Variants in RBM6 observed in about 807,000 individuals in gnomAD.
RBM6 encodes the protein RNA-binding protein 6.
Under a neutral mutation model 140.4 loss-of-function variants are expected in RBM6, and 23 were observed. The ratio of observed to expected loss-of-function variants is 0.16; its 90% CI spans 0.12 to 0.23. The LOEUF is 0.23. RBM6 is among the 10% of genes least tolerant of loss of function. The pLI is 1.00. For missense variants in RBM6, 1,139 were observed against 1,386.7 expected (o/e 0.82, Z 2.84); for synonymous variants, 439 against 475.6 (o/e 0.92, Z 1.00).
intron 5 of RBM6, among the ~76,000 whole-genome samples, chr3:49,983,233 A>T (rs1279565452): frequency 1.3e-5 from 2 of 152,360 alleles, no homozygotes; most frequent in Middle Eastern, 3.4e-3. Context: ...GTGTCAATAT[A>T]ACAGAAGTAA....
chr3:49,984,672 C>T (rs564480961), intron 5 of RBM6, among the ~76,000 whole-genome samples: 21 of 151,620 alleles, frequency 1.4e-4, no homozygotes, highest in African/African-American at 5.1e-4. Context: ...CATTGCATCA[C>T]ATCACATCAC....
At chr3:50,031,873 A>T (rs778523625) in intron 6 of RBM6, among the ~76,000 whole-genome samples, 2 of 152,208 alleles carry the variant, frequency 1.3e-5, no homozygotes, top group East Asian at 3.8e-4. Flanking sequence ...AGATAAATGC[A>T]TGAGGGGATG....
chr3:50,074,761 G>T (rs906122362), intron 19 of RBM6, among the ~76,000 whole-genome samples: 11 of 152,278 alleles, frequency 7.2e-5, no homozygotes, highest in African/African-American at 2.2e-4. Context: ...CAGGCACTCA[G>T]AGGTACTGTT....
intron 5 of RBM6, among the ~76,000 whole-genome samples, chr3:49,982,237 G>A (rs1170929033): frequency 1.5e-5 from 2 of 132,482 alleles, no homozygotes; most frequent in Non-Finnish European, 3.2e-5. Context: ...CAAAGGCCCT[G>A]TACCTTCTGC....
chr3:50,058,648 C>T, intron 10 of RBM6, 86 bp downstream of exon 10: 2 of 1,399,574 alleles, frequency 1.4e-6, no homozygotes, highest in Non-Finnish European at 2.0e-6. Flanking sequence ...GGCCTGGTGG[C>T]TTACGCCTGT....
At chr3:49,956,974 A>G (rs1575541965) in intron 1 of RBM6, among the ~76,000 whole-genome samples, 2 of 151,774 alleles carry the variant, frequency 1.3e-5, no homozygotes, top group East Asian at 3.9e-4. Flanking sequence ...CTGCTTTTTT[A>G]ATTTTTTATT....
At chr3:49,978,904 A>G (rs1385588776) in intron 5 of RBM6, among the ~76,000 whole-genome samples, 1 of 152,198 alleles carries the variant, frequency 6.6e-6, no homozygotes. Flanking sequence ...ATCTTGAATT[A>G]TATGATTATT....
intron 8 of RBM6, among the ~76,000 whole-genome samples, chr3:50,054,822 C>A (rs949272506): frequency 6.6e-6 from 1 of 151,562 alleles, no homozygotes; most frequent in African/African-American, 2.4e-5. Context: ...GCCTGCAAAC[C>A]TTTATTTATT....
At chr3:50,038,003 G>A (rs928241011) in intron 6 of RBM6, among the ~76,000 whole-genome samples, 4 of 151,884 alleles carry the variant, frequency 2.6e-5, no homozygotes, top group African/African-American at 9.7e-5. Flanking sequence ...TGTATTTTTA[G>A]TAGAGATGGG....
chr3:49,967,510 G>A lies in RBM6; in HGVS notation c.85G>A (p.Asp29Asn). The A allele has an allele frequency of 6.2e-7, 1 of 1,614,094 alleles. No individual in the cohort carries two copies. Among genetic ancestry groups the A allele is most frequent in the Non-Finnish European group, 8.5e-7 (1 of 1,180,014 alleles). ...AAGGTTTGCTCCCGGGTGGAACAGG[G>A]ATTATCCTCCTCCTCCCCTTAAGAG... ...EERFAPGWNR[D>N]YPPPPLKSHA... The change falls in exon 3 of 21, where the codon GAT becomes AAT. Residue 29 changes from aspartate (D) to asparagine (N), a missense_variant. Asp to Asn is a conservative substitution (Grantham distance 23, BLOSUM62 1). Transcript: ENST00000266022. The surrounding 1 kb of genome is among the most constrained non-coding windows in gnomAD (Gnocchi z 4.0).
rs563044007 is a variant in RBM6 at position 50,005,714 on chromosome 3, A to G, written c.1557+6201A>G. On this transcript the variant is annotated intron_variant, in intron 6 of 20. Transcript: ENST00000266022. ...GGTTGAAGGTTGTAGTGTTACCTAA[A>G]CAACTATCACCCCAAAAACACTTCA... 2.0e-5 allele frequency among the ~76,000 whole-genome samples: 3 copies of G among 152,284 alleles called. No individual in the cohort carries two copies. The East Asian group carries it at 5.8e-4, about 29-fold the overall frequency.
intron 1 of RBM6, among the ~76,000 whole-genome samples, chr3:49,959,073 G>A (rs1001986934): frequency 1.3e-5 from 2 of 151,862 alleles, no homozygotes; most frequent in Non-Finnish European, 2.9e-5. Flanking sequence ...GATTACAGGC[G>A]TGAGCCACTG....
chr3:49,955,844 G>GTCTCTC (rs150607037), intron 1 of RBM6, among the ~76,000 whole-genome samples: 1,583 of 145,020 alleles, frequency 0.011, 21 homozygotes, highest in African/African-American at 0.034. Flanking sequence ...CTCTCTCTGT[G>GTCTCTC]TCTCTCTCTC....
intron 16 of RBM6, 129 bp from the exon 17 acceptor site, chr3:50,066,113 G>A: frequency 9.8e-7 from 1 of 1,016,464 alleles, no homozygotes; most frequent in South Asian, 1.8e-5. Context: ...TGGGAAATGA[G>A]CAGCATGGCT....
chr3:50,010,252 T>C (rs1050294999), intron 6 of RBM6, among the ~76,000 whole-genome samples: 1 of 152,160 alleles, frequency 6.6e-6, no homozygotes, highest in Non-Finnish European at 1.5e-5. Flanking sequence ...TAATGATGTA[T>C]ATATTACCAA....
In RBM6 at chr3:49,994,671, T is replaced by G. The variant is rs74283344; in HGVS notation, c.1484-4769T>G. ...TTGTTTGGAGAAAAAGGCTGTGGGG[T>G]GTGTGTGTGTGTGTGTGTGTGTGTT... On this transcript the variant is annotated intron_variant, in intron 5 of 20. Coordinates refer to ENST00000266022, the MANE Select transcript of RBM6 (RefSeq NM_005777.3). Among the ~76,000 whole-genome samples the G allele has an allele frequency of 2.1e-3, 242 of 115,646 alleles. 6 individuals are homozygous for G. The East Asian group carries it at 0.046, about 22-fold the overall frequency. 75.9% of individuals were successfully genotyped at this position (115,646 alleles called of 152,430 possible).
rs2083976599 is a variant in RBM6 at position 49,956,132 on chromosome 3, C to T, written c.-66-6444C>T. Among the ~76,000 whole-genome samples the T allele has an allele frequency of 5.9e-5, 9 of 151,610 alleles. No homozygotes were observed. In the South Asian group the frequency reaches 1.9e-3, roughly 32 times the overall value. On this transcript the variant is annotated intron_variant, in intron 1 of 20. Coordinates refer to ENST00000266022, the MANE Select transcript of RBM6 (RefSeq NM_005777.3). ...TGCAACTTTGGGCTCAAGTGATCCT[C>T]CTGTCCCAGTCTCCTGAGTAGCTGG...
At chr3:50,012,738 CTTTTTTTT>C (rs1354297345) in intron 6 of RBM6, among the ~76,000 whole-genome samples, 2 of 120,842 alleles carry the variant, frequency 1.7e-5, no homozygotes, top group African/African-American at 3.6e-5. Context: ...TAGATTCTAC[CTTTTTTTT>C]TTTTTTTTTT....
At chr3:50,019,918 ATT>A (rs745603311) in intron 6 of RBM6, among the ~76,000 whole-genome samples, 92 of 136,026 alleles carry the variant, frequency 6.8e-4, no homozygotes, top group Non-Finnish European at 6.8e-4. Context: ...ACATTAATTG[ATT>A]TTTTTTTTTT....
Sources: gnomAD v4.1 joint callset for allele counts (sites outside exome capture counted in the v4.1 genomes callset) on GRCh38, gnomAD v4.1.1 for gene constraint, Gnocchi (gnomAD v3.1) non-coding constraint, MANE v1.5 for transcripts, NCBI Gene and HGNC (gene_info 2026-07-23, HGNC 2026-07-21) for gene names.